SUDS3: variants seen among roughly 807,000 people sequenced by gnomAD.
The protein encoded by SUDS3 is sin3 histone deacetylase corepressor complex component SDS3.
Under a neutral mutation model 53.5 loss-of-function variants are expected in SUDS3, and 23 were observed. That is an observed-to-expected ratio of 0.43 (90% CI 0.31 to 0.61). The LOEUF (loss-of-function observed/expected upper bound fraction) is 0.61. SUDS3 is among the 20% of genes least tolerant of loss of function. The pLI, the probability that SUDS3 is intolerant of heterozygous loss-of-function variation, is 0.10. For synonymous variants in SUDS3, 150 were observed against 148.5 expected (o/e 1.01, Z -0.08); for missense variants, 291 against 405.9 (o/e 0.72, Z 2.43).
In SUDS3 at chr12:118,388,968, G is replaced by A. The variant is rs555417511; in HGVS notation, c.341-959G>A. Among the ~76,000 whole-genome samples the A allele has an allele frequency of 5.3e-5, 8 of 152,278 alleles. No individual in the cohort carries two copies. In the South Asian group the frequency reaches 8.3e-4, roughly 16 times the overall value. ...TTTCAAGACCCTCCTGGCCAACATG[G>A]TGAAACCCCGTCTCTACTAAAAATA... is the stretch of plus-strand genomic sequence containing the variant. On this transcript the variant is annotated intron_variant, in intron 4 of 11. Coordinates refer to ENST00000543473, the MANE Select transcript of SUDS3 (RefSeq NM_022491.3).
At chr12:118,388,809 T>C (rs985215972) in intron 4 of SUDS3, among the ~76,000 whole-genome samples, 1 of 152,160 alleles carries the variant, frequency 6.6e-6, no homozygotes, top group Non-Finnish European at 1.5e-5. Context: ...GGATTATCTG[T>C]GGAGGTCCTT....
intron 1 of SUDS3, among the ~76,000 whole-genome samples, chr12:118,378,451 T>C (rs988610138): frequency 3.3e-5 from 5 of 152,020 alleles, no homozygotes; most frequent in African/African-American, 1.2e-4. Flanking sequence ...ACTTACATAG[T>C]ATTTACATTT....
intron 6 of SUDS3, among the ~76,000 whole-genome samples, chr12:118,391,706 G>A (rs143556264): frequency 2.6e-5 from 4 of 152,246 alleles, no homozygotes; most frequent in African/African-American, 7.2e-5. Flanking sequence ...GGAATCCCTC[G>A]CTTTGTTTTT....
rs767929315 is a variant in SUDS3, at chr12:118,378,568, A to G, written c.143-1594A>G. On this transcript the variant is annotated intron_variant, in intron 1 of 11. Coordinates refer to ENST00000543473, the MANE Select transcript of SUDS3 (RefSeq NM_022491.3). ...ACGATCTCAGCTCACTGCAACTTCC[A>G]TCTCCTGGGTTCAAGCAGTTCTCCT... 2.7e-5 allele frequency among the ~76,000 whole-genome samples: 4 copies of G among 149,890 alleles called. 1 individual carries two copies. The highest frequency in any genetic ancestry group is 4.2e-4 in the South Asian group (2 of 4,738).
At chr12:118,381,743 C>T (rs1479916154) in intron 2 of SUDS3, among the ~76,000 whole-genome samples, 2 of 150,178 alleles carry the variant, frequency 1.3e-5, no homozygotes, top group East Asian at 1.9e-4. Flanking sequence ...CTCACCCAAA[C>T]CTTCTCATTG....
chr12:118,406,337 A>G (rs1389269709), intron 10 of SUDS3, among the ~76,000 whole-genome samples: 1 of 152,186 alleles, frequency 6.6e-6, no homozygotes, highest in Non-Finnish European at 1.5e-5. Flanking sequence ...TACCAGTAGA[A>G]TTGGGACTCC....
intron 5 of SUDS3, 33 bp downstream of exon 5, chr12:118,389,979 C>T (rs1566200200): frequency 1.9e-6 from 3 of 1,613,828 alleles, no homozygotes; most frequent in East Asian, 2.2e-5. Context: ...GTTTGCAGGC[C>T]CTGTCTGAGA....
Position 118,411,105 on chromosome 12 carries a change from C to A in SUDS3, c.836C>A (p.Ser279Ter). Residue 279 changes from serine to a stop codon, truncating the protein, a stop_gained, in exon 11 of 12, where the codon TCA (serine) becomes TAA (stop). Coordinates refer to ENST00000543473, the MANE Select transcript of SUDS3 (RefSeq NM_022491.3). LOFTEE classifies it high-confidence loss of function. ...AAGAGCCAGGCCATCTATCTGGAGT[C>A]AAAGGACAACCAGAAACTGAGCTGC... ...YHKSQAIYLE[S>*]KDNQKLSCVI... 6.2e-7 allele frequency: 1 copy of A among 1,605,574 alleles called. No homozygotes were observed. Among genetic ancestry groups the A allele is most frequent in the South Asian group, 1.1e-5 (1 of 88,848 alleles).
intron 9 of SUDS3, chr12:118,402,464 A>G (rs573820631): frequency 5.9e-6 from 1 of 169,238 alleles, no homozygotes; most frequent in Non-Finnish European, 1.3e-5. Flanking sequence ...CAACCAGCTC[A>G]GTATTCATAG....
At position 118,389,913 on chromosome 12, in the gene SUDS3, T is replaced by C. The variant is rs1287026733; in HGVS notation, c.341-14T>C. 1.2e-6 allele frequency: 2 copies of C among 1,613,938 alleles called. No individual in the cohort carries two copies. Among genetic ancestry groups the C allele is most frequent in the Non-Finnish European group, 1.7e-6 (2 of 1,179,896 alleles). On this transcript the variant is annotated splice_polypyrimidine_tract_variant and intron_variant, in intron 4 of 11. Coordinates refer to ENST00000543473, the MANE Select transcript of SUDS3 (RefSeq NM_022491.3). The stretch of plus-strand genomic sequence containing the variant: ...CAGCCTAGCAAATCTAATTGCACTT[T>C]TTATCTCTTGCAGAACTCTTCCTCC...
At chr12:118,376,909 A>C in intron 1 of SUDS3, 76 bp downstream of exon 1, 26 of 246,996 alleles carry the variant, frequency 1.1e-4, no homozygotes, top group South Asian at 1.7e-4. Flanking sequence ...TGTTCGGGAG[A>C]GGGGCGGGGC....
Position 118,401,967 on chromosome 12 carries a change from G to A in SUDS3, c.676-16G>A, listed in dbSNP as rs1292795625. 1 of 1,613,736 alleles carries A rather than the reference G, an allele frequency of 6.2e-7. No homozygotes were observed. Among genetic ancestry groups the A allele is most frequent in the Non-Finnish European group, 8.5e-7 (1 of 1,179,846 alleles). On this transcript the variant is annotated splice_polypyrimidine_tract_variant and intron_variant, in intron 8 of 11. Transcript: ENST00000543473. ...ATGATTTTCTCTAAGATTTTTTGTT[G>A]TTGTTCTTCCTACAGCTTAAGTCAC...
intron 10 of SUDS3, among the ~76,000 whole-genome samples, chr12:118,404,714 G>A (rs1167195264): frequency 2.6e-5 from 4 of 152,178 alleles, no homozygotes; most frequent in Non-Finnish European, 1.5e-5. Context: ...GTTATATTGA[G>A]AATGTTTTTC....
chr12:118,377,538 G>T (rs931019362), intron 1 of SUDS3, among the ~76,000 whole-genome samples: 3 of 145,700 alleles, frequency 2.1e-5, no homozygotes, highest in Non-Finnish European at 3.0e-5. Context: ...CCGGAAACAG[G>T]TAAGAGAGGG....
chr12:118,386,248 T>C, intron 4 of SUDS3, 63 bp downstream of exon 4: 1 of 1,315,194 alleles, frequency 7.6e-7, no homozygotes, highest in Non-Finnish European at 1.1e-6. Flanking sequence ...CGATCGTCGG[T>C]GTAATGCAGC....
At chr12:118,388,871 G>A (rs923425634) in intron 4 of SUDS3, among the ~76,000 whole-genome samples, 8 of 152,154 alleles carry the variant, frequency 5.3e-5, no homozygotes, top group Admixed American at 2.6e-4. Flanking sequence ...GGTCCTGGCC[G>A]TAGGCAGTGG....
chr12:118,380,413 G>T (rs1372777376), intron 2 of SUDS3, among the ~76,000 whole-genome samples, 182 bp downstream of exon 2: 2 of 152,184 alleles, frequency 1.3e-5, no homozygotes, highest in East Asian at 1.9e-4. Flanking sequence ...GATGTGGGAT[G>T]CTCAGCTGGT....
At chr12:118,398,456 C>T (rs900034536) in intron 6 of SUDS3, among the ~76,000 whole-genome samples, 13 of 151,904 alleles carry the variant, frequency 8.6e-5, no homozygotes, top group Admixed American at 2.0e-4. Flanking sequence ...GAGAAGCCTT[C>T]ACCACTTGTT....
intron 9 of SUDS3, chr12:118,402,704 C>T (rs34026283): frequency 0.37 from 56,255 of 151,708 alleles, 10,490 homozygotes; most frequent in Middle Eastern, 0.48. Context: ...TTCTGAGGCA[C>T]GATGGGGAGG....
Sources: gnomAD v4.1 joint callset for allele counts (sites outside exome capture counted in the v4.1 genomes callset) on GRCh38, gnomAD v4.1.1 for gene constraint, MANE v1.5 for transcripts, NCBI Gene and HGNC (gene_info 2026-07-23, HGNC 2026-07-21) for gene names.